Variants in TLK1 observed in about 807,000 individuals in gnomAD.
The protein encoded by TLK1 is serine/threonine-protein kinase tousled-like 1.
TLK1 carries 24 observed loss-of-function variants against 105.3 expected under a neutral mutation model. The ratio of observed to expected loss-of-function variants is 0.23; its 90% CI spans 0.17 to 0.32. TLK1 has a LOEUF of 0.32. TLK1 is among the 10% of genes least tolerant of loss of function. The pLI is 1.00. For synonymous variants in TLK1, 321 were observed against 310.4 expected (o/e 1.03, Z -0.36); for missense variants, 558 against 910.5 (o/e 0.61, Z 4.98).
At chr2:171,150,456 A>AG (rs1691987681) in intron 1 of TLK1, among the ~76,000 whole-genome samples, 2 of 152,314 alleles carry the variant, frequency 1.3e-5, no homozygotes, top group Middle Eastern at 3.4e-3. Flanking sequence ...TGTCATCTCA[A>AG]GGGGACTGTC....
chr2:171,064,988 G>A (rs1687920495), intron 3 of TLK1, among the ~76,000 whole-genome samples: 1 of 152,054 alleles, frequency 6.6e-6, no homozygotes, highest in African/African-American at 2.4e-5. Flanking sequence ...TATTAATCAA[G>A]GTTTTTATAT....
intron 2 of TLK1, among the ~76,000 whole-genome samples, chr2:171,112,679 C>T (rs1045132525): frequency 1.3e-5 from 2 of 152,112 alleles, no homozygotes; most frequent in Non-Finnish European, 2.9e-5. Context: ...AATAAATCTA[C>T]AGAACCAACA....
chr2:171,114,138 T>C (rs1397462326), intron 2 of TLK1, among the ~76,000 whole-genome samples: 3 of 152,214 alleles, frequency 2.0e-5, no homozygotes, highest in Non-Finnish European at 2.9e-5. Context: ...TAGCAATTAC[T>C]TCATCATTAC....
chr2:171,206,057 T>A (rs1693500962), intron 1 of TLK1, among the ~76,000 whole-genome samples: 1 of 152,192 alleles, frequency 6.6e-6, no homozygotes, highest in East Asian at 1.9e-4. Flanking sequence ...GTTACTGAGA[T>A]ACATGCAAAA....
At chr2:171,028,289 C>G in intron 12 of TLK1, 50 bp downstream of exon 12, 2 of 1,352,952 alleles carry the variant, frequency 1.5e-6, no homozygotes, top group Non-Finnish European at 2.1e-6. Context: ...CAACTTCCCA[C>G]AAATTCTGGT....
chr2:171,003,272 T>TC (rs1684479977), intron 18 of TLK1, among the ~76,000 whole-genome samples: 3 of 14,326 alleles, frequency 2.1e-4, no homozygotes, highest in South Asian at 5.0e-3. Flanking sequence ...AGACTCCGTC[T>TC]CAAAAAAAAA....
intron 1 of TLK1, among the ~76,000 whole-genome samples, chr2:171,147,313 A>T (rs1161508121): frequency 6.6e-6 from 1 of 152,242 alleles, no homozygotes; most frequent in African/African-American, 2.4e-5. Context: ...ATAGACTAAA[A>T]TCCCAGTTAT....
chr2:171,226,885 T>C (rs1037508497), intron 1 of TLK1, among the ~76,000 whole-genome samples: 3 of 152,200 alleles, frequency 2.0e-5, no homozygotes, highest in Non-Finnish European at 4.4e-5. Flanking sequence ...CTTCATGTAG[T>C]TGGCCTCATT....
At chr2:171,078,938 C>T (rs1306998948) in intron 3 of TLK1, among the ~76,000 whole-genome samples, 1 of 152,208 alleles carries the variant, frequency 6.6e-6, no homozygotes, top group Non-Finnish European at 1.5e-5. Context: ...GTTTCAATGG[C>T]TCTCTACCTG....
chr2:171,027,806 C>A (rs1490524387), intron 12 of TLK1, among the ~76,000 whole-genome samples: 1 of 152,168 alleles, frequency 6.6e-6, no homozygotes, highest in Non-Finnish European at 1.5e-5. Flanking sequence ...TGGTGTGTCA[C>A]CATCTCAAGA....
At chr2:171,017,651 A>C (rs189141068) in intron 12 of TLK1, among the ~76,000 whole-genome samples, 364 of 152,344 alleles carry the variant, frequency 2.4e-3, no homozygotes, top group Non-Finnish European at 3.7e-3. Flanking sequence ...CAGCAAATTA[A>C]AGCAAGCTTT....
chr2:171,107,772 G>A (rs1474444636), intron 2 of TLK1, among the ~76,000 whole-genome samples: 1 of 152,066 alleles, frequency 6.6e-6, no homozygotes, highest in East Asian at 1.9e-4. Flanking sequence ...ATAAAAAAAG[G>A]AGCTGGCCAG....
At position 171,143,506 on chromosome 2, in the gene TLK1, C is replaced by CAAA. The variant is rs577555732; in HGVS notation, c.139+16781_139+16783dup. ...GGGCAGAAGAGTGGGACTCTATCTC[C>CAAA]AAAAAAAAAAAAAAAAAAAAAAAAA... On this transcript the variant is annotated intron_variant, in intron 1 of 20. Coordinates refer to ENST00000431350, the MANE Select transcript of TLK1 (RefSeq NM_012290.5). Among the ~76,000 whole-genome samples, 16 of 44,304 alleles carry CAAA rather than the reference C, an allele frequency of 3.6e-4. 2 individuals carry two copies. Among genetic ancestry groups the CAAA allele is most frequent in the African/African-American group, 8.0e-4 (10 of 12,532 alleles). The allele number at this position is 44,304 out of a possible 152,430, so 29.1% of individuals were successfully genotyped here.
At chr2:171,025,968 G>T in intron 12 of TLK1, among the ~76,000 whole-genome samples, 1 of 152,042 alleles carries the variant, frequency 6.6e-6, no homozygotes, top group Non-Finnish European at 1.5e-5. Context: ...TAGTCTCTCA[G>T]AAGAAAACAT....
At chr2:171,130,528 T>C (rs904411450) in intron 1 of TLK1, among the ~76,000 whole-genome samples, 45 of 122,236 alleles carry the variant, frequency 3.7e-4, no homozygotes, top group Non-Finnish European at 4.7e-4. Flanking sequence ...TCCTGGACCA[T>C]ATTAGCCTAA....
chr2:171,062,196 T>C (rs1057188342), intron 3 of TLK1, among the ~76,000 whole-genome samples: 1 of 152,202 alleles, frequency 6.6e-6, no homozygotes, highest in Non-Finnish European at 1.5e-5. Flanking sequence ...CCTCAAATTC[T>C]AGAAACGTGG....
chr2:171,138,180 C>A (rs1321526486), intron 1 of TLK1, among the ~76,000 whole-genome samples: 1 of 152,208 alleles, frequency 6.6e-6, no homozygotes, highest in South Asian at 2.1e-4. Flanking sequence ...AAAATGTTTG[C>A]TTATATCAAG....
intron 18 of TLK1, among the ~76,000 whole-genome samples, chr2:171,003,968 T>C (rs1245599007): frequency 6.6e-6 from 1 of 152,152 alleles, no homozygotes; most frequent in Non-Finnish European, 1.5e-5. Flanking sequence ...AGTATTTTTT[T>C]TTTCGAGACG....
chr2:171,225,440 T>C (rs965879572), intron 1 of TLK1, among the ~76,000 whole-genome samples: 6 of 151,830 alleles, frequency 4.0e-5, no homozygotes, highest in African/African-American at 9.7e-5. Flanking sequence ...CCCACCAGGA[T>C]GACTATAAGG....
Sources: allele counts gnomAD v4.1 joint callset (sites outside exome capture counted in the v4.1 genomes callset), GRCh38; gene constraint gnomAD v4.1.1; transcripts MANE v1.5; gene names NCBI Gene and HGNC (gene_info 2026-07-23, HGNC 2026-07-21).